The following DAPK2 variants were observed in gnomAD, a reference collection of about 807,000 sequenced individuals.
The protein encoded by DAPK2 is death-associated protein kinase 2.
Under a neutral mutation model 44.1 loss-of-function variants are expected in DAPK2, and 35 were observed. The ratio of observed to expected loss-of-function variants is 0.79; its 90% CI spans 0.61 to 1.05. The LOEUF (loss-of-function observed/expected upper bound fraction) is 1.05. Ranked by LOEUF, DAPK2 falls within the 50% of genes least tolerant of loss-of-function variation. The pLI is 0.00. For missense variants in DAPK2, 453 were observed against 483.2 expected, an observed-to-expected ratio of 0.94 and a Z score of 0.59; for synonymous variants, 174 against 182.6, an observed-to-expected ratio of 0.95 and a Z score of 0.38.
chr15:63,960,359 G>T (rs1014656102), intron 3 of DAPK2, among the ~76,000 whole-genome samples: 9 of 152,156 alleles, frequency 5.9e-5, no homozygotes, highest in South Asian at 2.1e-4. Flanking sequence ...CTTCAGTTCT[G>T]CTCTGATCTT....
At chr15:63,946,995 C>T (rs1039544838) in intron 3 of DAPK2, among the ~76,000 whole-genome samples, 3 of 152,182 alleles carry the variant, frequency 2.0e-5, no homozygotes, top group African/African-American at 7.2e-5. Flanking sequence ...GCCAGCCCCT[C>T]CCCACAAGTC....
intron 1 of DAPK2, among the ~76,000 whole-genome samples, chr15:64,025,208 G>A (rs1329006691): frequency 6.6e-6 from 1 of 152,140 alleles, no homozygotes; most frequent in Non-Finnish European, 1.5e-5. Flanking sequence ...CACTTACCAA[G>A]GTAAGTTAGT....
chr15:63,936,836 C>T (rs1410724905), intron 4 of DAPK2, among the ~76,000 whole-genome samples: 1 of 151,830 alleles, frequency 6.6e-6, no homozygotes, highest in Non-Finnish European at 1.5e-5. Flanking sequence ...AAAAAATTGC[C>T]AGGCATAATG....
chr15:64,033,326 A>AAGGAAGGAAGGAAGGAAGG (rs150809859), intron 1 of DAPK2, among the ~76,000 whole-genome samples: 12 of 131,374 alleles, frequency 9.1e-5, no homozygotes, highest in South Asian at 6.5e-4. Context: ...GGAAGGAAGG[A>AAGGAAGGAAGGAAGGAAGG]AAAAAAAAAT....
At chr15:63,929,867 C>G in intron 5 of DAPK2, 1 of 578,672 alleles carries the variant, frequency 1.7e-6, no homozygotes, top group Non-Finnish European at 3.3e-6. Context: ...CGGAGCCCTT[C>G]CCCCCTTGTA....
At chr15:63,962,933 T>C (rs1163252594) in intron 3 of DAPK2, among the ~76,000 whole-genome samples, 3 of 152,266 alleles carry the variant, frequency 2.0e-5, no homozygotes, top group African/African-American at 4.8e-5. Context: ...TATTCAGCTA[T>C]GCCGTGCCCC....
At chr15:63,960,157 A>G (rs1179702419) in intron 3 of DAPK2, among the ~76,000 whole-genome samples, 1 of 152,188 alleles carries the variant, frequency 6.6e-6, no homozygotes, top group Admixed American at 6.5e-5. Context: ...TGTTTATAGT[A>G]TTCTCTGATG....
chr15:63,949,719 A>G (rs904655432), intron 3 of DAPK2, among the ~76,000 whole-genome samples: 2 of 152,326 alleles, frequency 1.3e-5, no homozygotes, highest in South Asian at 2.1e-4. Context: ...TAGAAAACCA[A>G]TGCTACAGAG....
rs773075712 is a variant in DAPK2, at chr15:63,983,678, G to A, written c.169C>T (p.Arg57Trp). 6.1e-5 allele frequency: 98 copies of A among 1,613,734 alleles called. No individual in the cohort carries two copies. The Middle Eastern group carries it at 6.6e-4, about 11-fold the overall frequency. Residue 57 changes from arginine to tryptophan, a missense_variant, in exon 2 of 11, where the codon CGG becomes TGG. Coordinates refer to ENST00000261891, the Ensembl canonical transcript of DAPK2. ...CCGCGCCGGCTCGCCCGGCTCTGCC[G>A]CTTCTTGATGAACTTGGCTGCATAC...
rs1181655886 is a variant in DAPK2 at position 64,013,358 on chromosome 15, G to A, written c.92+26812C>T. ...GCAAGTCACAAGACATTAAGTGAAT[G>A]TGGGCAGTCTTAAGAGGCCAGGAAC... On this transcript the variant is annotated intron_variant, in intron 1 of 10. Transcript: ENST00000261891. The surrounding 1 kb of genome is among the most constrained non-coding windows in gnomAD (Gnocchi z 4.7). Among the ~76,000 whole-genome samples the A allele has an allele frequency of 6.6e-5, 10 of 152,318 alleles. No homozygotes were observed. The highest frequency in any genetic ancestry group is 2.2e-4 in the African/African-American group (9 of 41,558).
At chr15:63,946,500 T>C (rs2140496030) in intron 3 of DAPK2, among the ~76,000 whole-genome samples, 1 of 152,292 alleles carries the variant, frequency 6.6e-6, no homozygotes, top group African/African-American at 2.4e-5. Flanking sequence ...TGTTCTGTGA[T>C]TGAGAGAGAT....
At chr15:64,041,868 A>C (rs2080361725), upstream of DAPK2, among the ~76,000 whole-genome samples, 1 of 152,190 alleles carries the variant, frequency 6.6e-6, no homozygotes, top group Admixed American at 6.5e-5. Context: ...ACCAAGGCAC[A>C]CAGAGCCTGA....
intron 10 of DAPK2, 175 bp downstream of exon 11, chr15:63,911,733 C>T (rs930351851): frequency 4.5e-6 from 3 of 673,630 alleles, no homozygotes; most frequent in African/African-American, 1.8e-5. Context: ...GTCCCCAGAA[C>T]ACACTCCTCT....
chr15:64,028,030 G>GTATC lies in DAPK2; in HGVS notation c.92+12136_92+12139dup, dbSNP rs777029949. 7.2e-3 allele frequency among the ~76,000 whole-genome samples: 674 copies of GTATC among 94,262 alleles called. 10 individuals carry two copies. The highest frequency in any genetic ancestry group is 0.02 in the African/African-American group (595 of 30,488). The allele number at this position is 94,262 out of a possible 152,430, so 61.8% of individuals were successfully genotyped here. ...TGAAGTTAGCAGAAGTACATAAACT[G>GTATC]TATCTATCTATCTATCTATCTATCT... On this transcript the variant is annotated intron_variant, in intron 1 of 10. Transcript: ENST00000261891.
chr15:63,934,455 C>T (rs1319755485), intron 4 of DAPK2, among the ~76,000 whole-genome samples: 1 of 152,004 alleles, frequency 6.6e-6, no homozygotes, highest in Non-Finnish European at 1.5e-5. Flanking sequence ...TGGGGTTTCA[C>T]CACGTTGGCC....
At chr15:64,031,109 T>G (rs150335976) in intron 1 of DAPK2, among the ~76,000 whole-genome samples, 2 of 152,138 alleles carry the variant, frequency 1.3e-5, no homozygotes, top group Non-Finnish European at 2.9e-5. Context: ...TGTGTGACCA[T>G]GAATACTTTA....
At chr15:63,967,550 G>T (rs2078089160) in intron 3 of DAPK2, among the ~76,000 whole-genome samples, 1 of 152,070 alleles carries the variant, frequency 6.6e-6, no homozygotes, top group Non-Finnish European at 1.5e-5. Flanking sequence ...AATTAGCTGG[G>T]CGTGGTGGCA....
chr15:63,998,909 G>A (rs149867076), intron 1 of DAPK2, among the ~76,000 whole-genome samples: 2,329 of 152,258 alleles, frequency 0.015, 21 homozygotes, highest in Non-Finnish European at 0.023. Flanking sequence ...GCCCATCCAC[G>A]GAAGAACCAC....
upstream of DAPK2, among the ~76,000 whole-genome samples, chr15:64,043,238 T>C (rs1292910784): frequency 6.6e-6 from 1 of 152,228 alleles, no homozygotes; most frequent in Non-Finnish European, 1.5e-5. Context: ...GGAAAACTGT[T>C]CAGCAATTTC....
Sources: allele counts gnomAD v4.1 joint callset (sites outside exome capture counted in the v4.1 genomes callset), GRCh38; gene constraint gnomAD v4.1.1; non-coding constraint Gnocchi (gnomAD v3.1); transcripts MANE v1.5; gene names NCBI Gene and HGNC (gene_info 2026-07-23, HGNC 2026-07-21).